The following PEAK1 variants were observed in gnomAD, a reference collection of about 807,000 sequenced individuals.
PEAK1 encodes the protein inactive tyrosine-protein kinase PEAK1.
In PEAK1, 54 loss-of-function variants were observed where a neutral mutation model predicts 124.7. The observed-to-expected ratio is 0.43, with a 90% CI of 0.35 to 0.54. PEAK1 has a LOEUF of 0.54. PEAK1 is among the 20% of genes least tolerant of loss of function. PEAK1 has a pLI of 0.01. For synonymous variants in PEAK1, 719 were observed against 760.0 expected (o/e 0.95, Z 0.89); for missense variants, 2,046 against 2,134.5 (o/e 0.96, Z 0.82).
At chr15:77,185,065 A>C (rs1387024011) in intron 6 of PEAK1, among the ~76,000 whole-genome samples, 1 of 152,220 alleles carries the variant, frequency 6.6e-6, no homozygotes, top group East Asian at 1.9e-4. Flanking sequence ...GAGGATCTGG[A>C]TTAGGATGTG....
chr15:77,182,852 G>A lies in PEAK1; in HGVS notation c.-114-812C>T, dbSNP rs71405239. On this transcript the variant is annotated intron_variant, in intron 6 of 9. Transcript: ENST00000682557. Reference sequence around the variant, plus strand: ...ATAGAGTTTATCCTAAGAGCAGTGGGAAGCCACTGAAGGGTCTTGAATAGG... The same window carrying A: ...ATAGAGTTTATCCTAAGAGCAGTGGAAAGCCACTGAAGGGTCTTGAATAGG... 4.5e-3 allele frequency among the ~76,000 whole-genome samples: 679 copies of A among 151,866 alleles called. 3 individuals are homozygous for A. Among genetic ancestry groups the A allele is most frequent in the Middle Eastern group, 0.01 (3 of 294 alleles).
chr15:77,153,293 TTC>T (rs1440222097), intron 8 of PEAK1, among the ~76,000 whole-genome samples: 2 of 152,210 alleles, frequency 1.3e-5, no homozygotes, highest in African/African-American at 4.8e-5. Context: ...GTCTGTAGTA[TTC>T]TCTGATGGTA....
At chr15:77,318,341 T>C (rs1253799021) in intron 2 of PEAK1, among the ~76,000 whole-genome samples, 1 of 152,200 alleles carries the variant, frequency 6.6e-6, no homozygotes, top group Non-Finnish European at 1.5e-5. Context: ...TATTGGCAAC[T>C]TCCTGTGAAT....
At chr15:77,188,449 T>A (rs1386986420) in intron 6 of PEAK1, among the ~76,000 whole-genome samples, 1 of 152,308 alleles carries the variant, frequency 6.6e-6, no homozygotes, top group East Asian at 1.9e-4. Context: ...TAATAATTAT[T>A]ATAAACTTGG....
At chr15:77,257,737 T>G (rs1342656613) in intron 5 of PEAK1, among the ~76,000 whole-genome samples, 1 of 152,190 alleles carries the variant, frequency 6.6e-6, no homozygotes, top group Non-Finnish European at 1.5e-5. Flanking sequence ...TTTAACTAGA[T>G]CCCATTTGTC....
At chr15:77,306,292 A>C (rs993699013) in intron 2 of PEAK1, among the ~76,000 whole-genome samples, 5 of 152,178 alleles carry the variant, frequency 3.3e-5, no homozygotes, top group Non-Finnish European at 7.4e-5. Flanking sequence ...AAGACCTCTT[A>C]AACAATTCAA....
At chr15:77,262,617 T>TACAA (rs1555459986) in intron 5 of PEAK1, among the ~76,000 whole-genome samples, 5 of 149,978 alleles carry the variant, frequency 3.3e-5, no homozygotes, top group Non-Finnish European at 7.4e-5. Context: ...AGCAAGTCCT[T>TACAA]AGAGACCTAC....
intron 2 of PEAK1, among the ~76,000 whole-genome samples, chr15:77,303,552 T>C (rs2063901365): frequency 6.6e-6 from 1 of 152,228 alleles, no homozygotes; most frequent in South Asian, 2.1e-4. Context: ...TTATCTTCCT[T>C]GATGGGGTGT....
chr15:77,199,453 G>C (rs557348911), intron 6 of PEAK1, among the ~76,000 whole-genome samples: 8 of 152,142 alleles, frequency 5.3e-5, no homozygotes, highest in Non-Finnish European at 1.2e-4. Flanking sequence ...TTGTGAAAGA[G>C]AGCTCTGATA....
intron 2 of PEAK1, among the ~76,000 whole-genome samples, chr15:77,362,260 T>C (rs950289237): frequency 6.6e-6 from 1 of 152,130 alleles, no homozygotes; most frequent in African/African-American, 2.4e-5. Flanking sequence ...ATGATGGATA[T>C]GTTAATAACC....
intron 6 of PEAK1, among the ~76,000 whole-genome samples, chr15:77,200,450 T>C (rs2058309040): frequency 6.6e-6 from 1 of 152,152 alleles, no homozygotes; most frequent in South Asian, 2.1e-4. Context: ...GGGTCAACTG[T>C]ACATTCTAAA....
At chr15:77,313,172 A>G (rs375965583) in intron 2 of PEAK1, among the ~76,000 whole-genome samples, 1 of 152,210 alleles carries the variant, frequency 6.6e-6, no homozygotes, top group African/African-American at 2.4e-5. Context: ...TTAAATGCTT[A>G]AATACACACA....
intron 2 of PEAK1, among the ~76,000 whole-genome samples, chr15:77,299,048 A>C (rs2063656382): frequency 6.6e-6 from 1 of 152,238 alleles, no homozygotes; most frequent in Non-Finnish European, 1.5e-5. Context: ...GCAATGCAAC[A>C]GGCCAACAAA....
rs749000554 is a variant in PEAK1, at chr15:77,298,197, A to ATTTTTTTTTTTTTTT, written c.-602-11708_-602-11694dup. On this transcript the variant is annotated intron_variant, in intron 2 of 9. Coordinates refer to ENST00000682557, the MANE Select transcript of PEAK1 (RefSeq NM_001385026.1). ...TAGCTTCTTTTGTTTGGTATCCTTA[A>ATTTTTTTTTTTTTTT]TTTTTTTTTTTTTTTTTTTTTTTTT... is the stretch of plus-strand genomic sequence containing the variant. Among the ~76,000 whole-genome samples the ATTTTTTTTTTTTTTT allele has an allele frequency of 8.2e-4, 31 of 37,822 alleles. 8 individuals carry two copies. The highest frequency in any genetic ancestry group is 1.3e-3 in the African/African-American group (10 of 7,414). 24.8% of individuals were successfully genotyped at this position (37,822 alleles called of 152,430 possible).
At chr15:77,184,622 C>T (rs1031815094) in intron 6 of PEAK1, among the ~76,000 whole-genome samples, 2 of 152,204 alleles carry the variant, frequency 1.3e-5, no homozygotes, top group African/African-American at 4.8e-5. Flanking sequence ...GTAGGCTGGG[C>T]GCGGTAGCTC....
At chr15:77,104,031 T>C (rs1394711188), downstream of PEAK1, 1 of 152,376 alleles carries the variant, frequency 6.6e-6, no homozygotes, top group Non-Finnish European at 1.5e-5. Flanking sequence ...CAAACACCCA[T>C]AGGCCTGGGC....
chr15:77,298,197 A>AATTTTTTTTTTTTTTT (rs2063601120), intron 2 of PEAK1, among the ~76,000 whole-genome samples: 1 of 37,804 alleles, frequency 2.6e-5, no homozygotes. Context: ...GGTATCCTTA[A>AATTTTTTTTTTTTTTT]TTTTTTTTTT....
intron 2 of PEAK1, among the ~76,000 whole-genome samples, chr15:77,331,749 G>A (rs370298332): frequency 3.3e-5 from 5 of 150,898 alleles, no homozygotes; most frequent in African/African-American, 4.9e-5. Flanking sequence ...CCTGAGTAGC[G>A]TGGGACTACA....
At chr15:77,388,564 T>C (rs1406347932) in intron 1 of PEAK1, among the ~76,000 whole-genome samples, 1 of 152,220 alleles carries the variant, frequency 6.6e-6, no homozygotes, top group Non-Finnish European at 1.5e-5. Context: ...CCAGAATGCT[T>C]ACCTGAATCT....
Sources: allele counts gnomAD v4.1 joint callset (sites outside exome capture counted in the v4.1 genomes callset), GRCh38; gene constraint gnomAD v4.1.1; transcripts MANE v1.5; gene names NCBI Gene and HGNC (gene_info 2026-07-23, HGNC 2026-07-21).